The following KIAA1549L variants were observed in gnomAD, a reference collection of about 807,000 sequenced individuals.
The protein encoded by KIAA1549L is KIAA1549 like.
A neutral mutation model predicts 160.7 loss-of-function variants in KIAA1549L; 88 were observed. The ratio of observed to expected loss-of-function variants is 0.55; its 90% CI spans 0.46 to 0.65. KIAA1549L has a LOEUF of 0.65. Ranked by LOEUF, KIAA1549L falls within the 30% of genes least tolerant of loss-of-function variation. The pLI, the probability that KIAA1549L is intolerant of heterozygous loss-of-function variation, is 0.00. For synonymous variants in KIAA1549L, 950 were observed against 976.7 expected, an observed-to-expected ratio of 0.97 and a Z score of 0.51; for missense variants, 2,258 against 2,437.5, an observed-to-expected ratio of 0.93 and a Z score of 1.55.
intron 1 of KIAA1549L, chr11:33,403,472 AACAG>A (rs954366827): frequency 2.6e-5 from 3 of 115,122 alleles, no homozygotes; most frequent in African/African-American, 9.9e-5. Flanking sequence ...CAGACGCAGA[AACAG>A]ACACACATCA....
At chr11:33,502,391 C>T (rs1336455554) in intron 1 of KIAA1549L, among the ~76,000 whole-genome samples, 1 of 152,136 alleles carries the variant, frequency 6.6e-6, no homozygotes, top group Non-Finnish European at 1.5e-5. Flanking sequence ...TCTAGCTTAT[C>T]TATTTTTCCT....
chr11:33,529,002 T>G (rs184282238), intron 1 of KIAA1549L, among the ~76,000 whole-genome samples: 29 of 152,282 alleles, frequency 1.9e-4, no homozygotes, highest in Middle Eastern at 3.4e-3. Flanking sequence ...CCAAAACTAT[T>G]TTTTTAAAAA....
chr11:33,470,367 A>G (rs928085146), intron 1 of KIAA1549L, among the ~76,000 whole-genome samples: 1 of 151,946 alleles, frequency 6.6e-6, no homozygotes, highest in Admixed American at 6.6e-5. Context: ...TATTACATTG[A>G]TCTCATATGT....
chr11:33,639,588 G>A (rs925916894), intron 16 of KIAA1549L, among the ~76,000 whole-genome samples: 2 of 152,102 alleles, frequency 1.3e-5, no homozygotes, highest in African/African-American at 4.8e-5. Context: ...CACCCATGCT[G>A]GAGTGCAGTG....
intron 13 of KIAA1549L, among the ~76,000 whole-genome samples, chr11:33,603,007 G>A (rs888351354): frequency 3.9e-5 from 6 of 152,242 alleles, no homozygotes; most frequent in Admixed American, 3.3e-4. Flanking sequence ...GAGTGAGGGT[G>A]TCACCATCCA....
At chr11:33,596,799 T>G (rs1487496838) in intron 12 of KIAA1549L, among the ~76,000 whole-genome samples, 1 of 144,364 alleles carries the variant, frequency 6.9e-6, no homozygotes, top group Non-Finnish European at 1.6e-5. Flanking sequence ...CCTTTTCCTT[T>G]CCTATTTTTT....
At chr11:33,455,152 G>A (rs536323935) in intron 1 of KIAA1549L, among the ~76,000 whole-genome samples, 1 of 152,240 alleles carries the variant, frequency 6.6e-6, no homozygotes, top group African/African-American at 2.4e-5. Context: ...CAAAACAAAG[G>A]TTTAATGATT....
rs1309317930 is a variant in KIAA1549L at position 33,611,748 on chromosome 11, C to T, written c.5279+1782C>T. On this transcript the variant is annotated intron_variant, in intron 15 of 20. Coordinates refer to ENST00000658780, the MANE Select transcript of KIAA1549L (RefSeq NM_012194.3). ...ATGCTGACACTCAGGGAAAATGAAT[C>T]AAAGCCACGAAATCAAGGTGAGAGG... 2.6e-5 allele frequency among the ~76,000 whole-genome samples: 4 copies of T among 152,110 alleles called. No homozygotes were observed. The East Asian group carries it at 7.7e-4, about 29-fold the overall frequency.
chr11:33,432,828 C>T (rs183974644), intron 1 of KIAA1549L, among the ~76,000 whole-genome samples: 62 of 152,226 alleles, frequency 4.1e-4, no homozygotes, highest in African/African-American at 1.2e-3. Flanking sequence ...AAATAAGCAA[C>T]GGGGAAAGGA....
At chr11:33,568,626 G>C (rs1590352020) in intron 9 of KIAA1549L, among the ~76,000 whole-genome samples, 1 of 152,184 alleles carries the variant, frequency 6.6e-6, no homozygotes, top group Non-Finnish European at 1.5e-5. Flanking sequence ...CTGAATAGCA[G>C]ATGCACCATT....
At position 33,523,601 on chromosome 11, in the gene KIAA1549L, G is replaced by C. The variant is rs574808823; in HGVS notation, c.239-18201G>C. On this transcript the variant is annotated intron_variant, in intron 1 of 20. Coordinates refer to ENST00000658780, the MANE Select transcript of KIAA1549L (RefSeq NM_012194.3). ...CTGCCTATCATGTACCAATGTAGAT[G>C]GTACAAGGCTAGGATTACACATCAT... 3.9e-5 allele frequency among the ~76,000 whole-genome samples: 6 copies of C among 152,270 alleles called. No homozygotes were observed. In the East Asian group the frequency reaches 9.6e-4, roughly 24 times the overall value.
At chr11:33,615,188 C>T (rs550130636) in intron 15 of KIAA1549L, among the ~76,000 whole-genome samples, 4 of 152,194 alleles carry the variant, frequency 2.6e-5, no homozygotes, top group Admixed American at 1.3e-4. Flanking sequence ...TAGGGAACCC[C>T]ACGTAAGGTA....
intron 1 of KIAA1549L, among the ~76,000 whole-genome samples, chr11:33,525,773 G>A (rs1435019560): frequency 6.6e-6 from 1 of 152,070 alleles, no homozygotes; most frequent in Non-Finnish European, 1.5e-5. Context: ...TGGTGCTGTT[G>A]GTGAGGCATG....
chr11:33,498,106 T>G (rs1374604226), intron 1 of KIAA1549L, among the ~76,000 whole-genome samples: 1 of 152,132 alleles, frequency 6.6e-6, no homozygotes, highest in Non-Finnish European at 1.5e-5. Context: ...CTGGGCAGCA[T>G]AGGGAGACCC....
At chr11:33,384,232 T>C (rs1264750670) in intron 1 of KIAA1549L, among the ~76,000 whole-genome samples, 1 of 152,262 alleles carries the variant, frequency 6.6e-6, no homozygotes, top group African/African-American at 2.4e-5. Context: ...TTGTACTGTA[T>C]ATAACATTTT....
At chr11:33,627,634 T>C (rs1851155238) in intron 16 of KIAA1549L, among the ~76,000 whole-genome samples, 1 of 152,242 alleles carries the variant, frequency 6.6e-6, no homozygotes, top group Admixed American at 6.5e-5. Flanking sequence ...TGTGTCTATT[T>C]GATTCTTCTC....
At chr11:33,596,997 C>T (rs1055268206) in intron 12 of KIAA1549L, among the ~76,000 whole-genome samples, 12 of 152,064 alleles carry the variant, frequency 7.9e-5, no homozygotes, top group Admixed American at 3.3e-4. Context: ...AAGTTAGTAC[C>T]GATCCTTGTT....
intron 1 of KIAA1549L, among the ~76,000 whole-genome samples, chr11:33,526,834 G>A (rs1565169624): frequency 1.3e-5 from 2 of 152,282 alleles, no homozygotes; most frequent in African/African-American, 2.4e-5. Context: ...AAAGAAGTCA[G>A]AAAGTTGATT....
chr11:33,639,374 A>G (rs1039135085), intron 16 of KIAA1549L, among the ~76,000 whole-genome samples: 5 of 152,178 alleles, frequency 3.3e-5, no homozygotes, highest in Non-Finnish European at 5.9e-5. Flanking sequence ...CATGTGTGGA[A>G]GAGGAATGGC....
Sources: allele counts gnomAD v4.1 joint callset (sites outside exome capture counted in the v4.1 genomes callset), GRCh38; gene constraint gnomAD v4.1.1; transcripts MANE v1.5; gene names NCBI Gene and HGNC (gene_info 2026-07-23, HGNC 2026-07-21).